Variants in KIF16B observed in about 807,000 individuals in gnomAD.
KIF16B encodes kinesin-like protein KIF16B.
Under a neutral mutation model 156.3 loss-of-function variants are expected in KIF16B, and 98 were observed. That is an observed-to-expected ratio of 0.63 (90% confidence interval 0.53 to 0.74). The LOEUF (loss-of-function observed/expected upper bound fraction) is 0.74, where lower values mean the gene tolerates loss of function less well. KIF16B is among the 30% of genes least tolerant of loss of function. KIF16B has a pLI of 0.00. For missense variants in KIF16B, 1,421 were observed against 1,606.5 expected, an observed-to-expected ratio of 0.88 and a Z score of 1.97; for synonymous variants, 564 against 583.7, an observed-to-expected ratio of 0.97 and a Z score of 0.49.
At chr20:16,274,805 T>A (rs946772148) in intron 25 of KIF16B, among the ~76,000 whole-genome samples, 3 of 152,190 alleles carry the variant, frequency 2.0e-5, no homozygotes, top group African/African-American at 4.8e-5. Context: ...CAAAGAATTA[T>A]CTGGCCCAAA....
At chr20:16,498,128 A>G (rs1755951833) in intron 10 of KIF16B, among the ~76,000 whole-genome samples, 1 of 152,194 alleles carries the variant, frequency 6.6e-6, no homozygotes, top group African/African-American at 2.4e-5. Flanking sequence ...TATACCCCAT[A>G]TGGCATGGCT....
At chr20:16,330,515 C>T (rs1467010641) in intron 24 of KIF16B, among the ~76,000 whole-genome samples, 1 of 152,146 alleles carries the variant, frequency 6.6e-6, no homozygotes, top group Non-Finnish European at 1.5e-5. Flanking sequence ...CAAAGAAAGT[C>T]TAACACATGA....
intron 1 of KIF16B, among the ~76,000 whole-genome samples, chr20:16,570,520 A>G (rs577928155): frequency 6.6e-6 from 1 of 152,332 alleles, no homozygotes; most frequent in East Asian, 1.9e-4. Context: ...TGGTAAAAAA[A>G]TGGCATTTTA....
At chr20:16,450,963 T>C (rs1209357469) in intron 12 of KIF16B, among the ~76,000 whole-genome samples, 2 of 152,330 alleles carry the variant, frequency 1.3e-5, no homozygotes, top group Middle Eastern at 6.8e-3. Flanking sequence ...ACAGGTGATG[T>C]GAGTGTATGA....
intron 4 of KIF16B, among the ~76,000 whole-genome samples, chr20:16,513,775 G>C (rs1252733098): frequency 6.6e-6 from 1 of 151,662 alleles, no homozygotes; most frequent in African/African-American, 2.4e-5. Context: ...TATACAATGT[G>C]GGTATAACGT....
intron 22 of KIF16B, among the ~76,000 whole-genome samples, chr20:16,366,055 T>C (rs961970778): frequency 3.1e-5 from 4 of 128,968 alleles, no homozygotes; most frequent in Admixed American, 7.8e-5. Context: ...ATATGTAACC[T>C]GATAGGATTT....
chr20:16,406,182 T>C (rs1346952158), intron 16 of KIF16B, among the ~76,000 whole-genome samples, 192 bp downstream of exon 16: 1 of 152,162 alleles, frequency 6.6e-6, no homozygotes, highest in East Asian at 1.9e-4. Context: ...TAGAATTTAC[T>C]TGCTTGCTCT....
At chr20:16,420,840 A>C (rs1258871423) in intron 15 of KIF16B, among the ~76,000 whole-genome samples, 2 of 152,146 alleles carry the variant, frequency 1.3e-5, no homozygotes, top group African/African-American at 2.4e-5. Context: ...GGATGAGGAC[A>C]GTAAATGTGG....
chr20:16,478,973 G>T (rs1173424759), intron 12 of KIF16B, among the ~76,000 whole-genome samples: 1 of 151,944 alleles, frequency 6.6e-6, no homozygotes, highest in East Asian at 1.9e-4. Flanking sequence ...ACAGAAACAT[G>T]TGCATACATT....
intron 15 of KIF16B, among the ~76,000 whole-genome samples, chr20:16,419,989 G>GCT (rs777143433): frequency 3.3e-5 from 5 of 152,092 alleles, no homozygotes; most frequent in Non-Finnish European, 5.9e-5. Flanking sequence ...TGAAGAACTG[G>GCT]CTCTTCTTTC....
chr20:16,378,905 TC>T lies in KIF16B; in HGVS notation c.3096del (p.Arg1033GlyfsTer7). The T allele has an allele frequency of 6.2e-7, 1 of 1,614,114 alleles. No individual in the cohort carries two copies. The highest frequency in any genetic ancestry group is 1.3e-5 in the African/African-American group (1 of 75,064). ...CTGTTCAGACTGGCAAGTTTCTGCC[TC>T]TGCTCTTCAATCTCCATGCCCAGGG... Reference protein sequence around the residue: ...HSTLGMEIEEQRQKLASLNSG... With the variant: ...HSTLGMEIEEXRQKLASLNSG... On this transcript the variant is annotated frameshift_variant, in exon 19 of 26. Coordinates refer to ENST00000354981, the MANE Select transcript of KIF16B (RefSeq NM_024704.5). LOFTEE classifies it high-confidence loss of function.
chr20:16,411,982 T>C (rs2065970200), intron 15 of KIF16B, among the ~76,000 whole-genome samples: 1 of 143,980 alleles, frequency 6.9e-6, no homozygotes, highest in South Asian at 2.2e-4. Context: ...GACTCATTGC[T>C]AATAAATGAA....
rs760755684 is a variant in KIF16B, at chr20:16,374,306, A to G, written c.3301T>C (p.Leu1101=). 6 of 1,604,234 alleles carry G rather than the reference A, an allele frequency of 3.7e-6. No individual in the cohort carries two copies. The highest frequency in any genetic ancestry group is 5.1e-6 in the Non-Finnish European group (6 of 1,173,950). ...TLEGKVASSS[L]PVSAEKSHLV... is the part of the protein sequence containing the mutation. ...TGTGATTTTTCAGCACTGACTGGCA[A>G]GCTGGAAGAAGCCACCTTCCCTTCC... Residue 1101 remains leucine, a synonymous_variant, in exon 20 of 26, where the codon TTG becomes CTG. Coordinates refer to ENST00000354981, the MANE Select transcript of KIF16B (RefSeq NM_024704.5).
intron 2 of KIF16B, among the ~76,000 whole-genome samples, chr20:16,528,023 C>T (rs939909273): frequency 6.6e-6 from 1 of 151,908 alleles, no homozygotes; most frequent in Non-Finnish European, 1.5e-5. Context: ...AATATAGGGG[C>T]AAAGCTTATT....
rs375823359 is a variant in KIF16B at position 16,406,426 on chromosome 20, A to T, written c.1643T>A (p.Met548Lys). ...GAVILLGRTN[M>K]FRFNHPKEAA... ...TTCCTTTGGATGGTTAAAGCGAAACATATTGGTTCTTCCCAAGAGAATCAC... is the reference window on the plus strand; with the variant it reads ...TTCCTTTGGATGGTTAAAGCGAAACTTATTGGTTCTTCCCAAGAGAATCAC... The change falls in exon 16 of 26, where the codon ATG (methionine) becomes AAG (lysine). Residue 548 changes from methionine to lysine, a missense_variant. Transcript: ENST00000354981. 9 of 1,613,398 alleles carry T rather than the reference A, an allele frequency of 5.6e-6. No homozygotes were observed. Among genetic ancestry groups the T allele is most frequent in the Non-Finnish European group, 7.6e-6 (9 of 1,179,620 alleles).
rs894316934 is a variant in KIF16B, at chr20:16,353,952, G to A, written c.3621+2378C>T. Among the ~76,000 whole-genome samples, 3 of 152,200 alleles carry A rather than the reference G, an allele frequency of 2.0e-5. No homozygotes were observed. In the South Asian group the frequency reaches 6.2e-4, roughly 32 times the overall value. The stretch of plus-strand genomic sequence containing the variant: ...AGCACCTAGGGACGAACAGAAAAAG[G>A]AAGCGGAACAATGACACGCTTCAGA... On this transcript the variant is annotated intron_variant, in intron 23 of 25. Coordinates refer to ENST00000354981, the MANE Select transcript of KIF16B (RefSeq NM_024704.5).
chr20:16,429,732 A>C, intron 13 of KIF16B, 131 bp downstream of exon 13: 1 of 737,618 alleles, frequency 1.4e-6, no homozygotes, highest in Non-Finnish European at 1.9e-6. Context: ...CAAAGGGCTC[A>C]AGGATTTGTT....
chr20:16,467,874 A>T (rs2067539509), intron 12 of KIF16B, among the ~76,000 whole-genome samples: 1 of 152,196 alleles, frequency 6.6e-6, no homozygotes, highest in Admixed American at 6.5e-5. Context: ...TTAACAGTTG[A>T]TATGCTAGGA....
chr20:16,469,280 A>T (rs920332088), intron 12 of KIF16B, among the ~76,000 whole-genome samples: 1 of 147,740 alleles, frequency 6.8e-6, no homozygotes, highest in Middle Eastern at 3.5e-3. Context: ...AAAAAAAAAA[A>T]TGGTCTCCTT....
Sources: allele counts gnomAD v4.1 joint callset (sites outside exome capture counted in the v4.1 genomes callset), GRCh38; gene constraint gnomAD v4.1.1; transcripts MANE v1.5; gene names NCBI Gene and HGNC (gene_info 2026-07-23, HGNC 2026-07-21).